Variants in RAD9B observed in about 807,000 individuals in gnomAD.
The protein encoded by RAD9B is RAD9 checkpoint clamp component B.
A neutral mutation model predicts 48.3 loss-of-function variants in RAD9B; 41 were observed. The ratio of observed to expected loss-of-function variants is 0.85; its 90% CI spans 0.66 to 1.10. The LOEUF (loss-of-function observed/expected upper bound fraction) is 1.10. Ranked by LOEUF, RAD9B falls within the 50% of genes least tolerant of loss-of-function variation. RAD9B has a pLI of 0.00. For missense variants in RAD9B, 444 were observed against 485.1 expected, an observed-to-expected ratio of 0.92 and a Z score of 0.80; for synonymous variants, 160 against 157.9, an observed-to-expected ratio of 1.01 and a Z score of -0.10.
intron 10 of RAD9B, among the ~76,000 whole-genome samples, chr12:110,527,550 C>T (rs1047239625): frequency 6.6e-6 from 1 of 152,182 alleles, no homozygotes. Flanking sequence ...GAACAGGGCT[C>T]ATTCATTTGT....
At chr12:110,508,310 G>T (rs1156424937) in intron 4 of RAD9B, among the ~76,000 whole-genome samples, 1 of 152,128 alleles carries the variant, frequency 6.6e-6, no homozygotes, top group Non-Finnish European at 1.5e-5. Flanking sequence ...CGCAGTACCT[G>T]CCCCAGGGGG....
intron 4 of RAD9B, among the ~76,000 whole-genome samples, chr12:110,509,864 G>C (rs1422563006): frequency 6.6e-6 from 1 of 152,084 alleles, no homozygotes; most frequent in Admixed American, 6.5e-5. Flanking sequence ...GGTGGCAGGA[G>C]TCAGGGATGG....
Position 110,518,719 on chromosome 12 carries a change from T to A in RAD9B, c.639T>A (p.Asp213Glu), listed in dbSNP as rs775285483. The A allele has an allele frequency of 3.1e-6, 5 of 1,611,870 alleles. No individual in the cohort carries two copies. Among genetic ancestry groups the A allele is most frequent in the Non-Finnish European group, 4.2e-6 (5 of 1,178,496 alleles). ...ACAGTGAGATGTTTGTTGGCTCAGA[T>A]GAGTTTGACTTCTTTCAAATTGGAA... ...AVHSEMFVGS[D>E]EFDFFQIGMD... The change falls in exon 7 of 11, where the codon GAT (aspartate) becomes GAA (glutamate). Residue 213 changes from aspartate (D) to glutamate (E), a missense_variant. Physicochemically the swap from Asp to Glu is conservative, Grantham distance 45. Coordinates refer to ENST00000409300, the MANE Select transcript of RAD9B (RefSeq NM_001286535.2).
chr12:110,527,851 A>T (rs2063994641), intron 10 of RAD9B, among the ~76,000 whole-genome samples: 1 of 151,928 alleles, frequency 6.6e-6, no homozygotes, highest in South Asian at 2.1e-4. Context: ...CTGGTGTTTG[A>T]GCTGAGCTGG....
intron 9 of RAD9B, among the ~76,000 whole-genome samples, chr12:110,520,632 T>TC (rs1565895594): frequency 2.8e-5 from 4 of 144,844 alleles, no homozygotes; most frequent in Non-Finnish European, 6.1e-5. Context: ...TGCTTTCTTT[T>TC]TTTTTTTTTT....
intron 2 of RAD9B, 114 bp downstream of exon 2, chr12:110,503,990 G>T: frequency 1.6e-6 from 1 of 612,598 alleles, no homozygotes; most frequent in South Asian, 2.3e-5. Flanking sequence ...CCCTTTCACT[G>T]TTTATCTTTA....
At chr12:110,504,873 T>C (rs1380216852) in intron 2 of RAD9B, among the ~76,000 whole-genome samples, 1 of 151,994 alleles carries the variant, frequency 6.6e-6, no homozygotes, top group African/African-American at 2.4e-5. Flanking sequence ...TGATATGTTG[T>C]GTGCCTGTAG....
chr12:110,522,349 G>C lies in RAD9B; in HGVS notation c.1063G>C (p.Glu355Gln). The change falls in exon 10 of 11, where the codon GAA becomes CAA. Residue 355 changes from glutamate (E) to glutamine (Q), a missense_variant. Coordinates refer to ENST00000409300, the MANE Select transcript of RAD9B (RefSeq NM_001286535.2). ...GAAAAGAGTGGATGGAGATGTCAGT[G>C]AAGTATCAGAAAGCAGTGTCAGCAA... is the stretch of plus-strand genomic sequence containing the variant. ...AMKRVDGDVS[E>Q]VSESSVSNTE... 1.9e-6 allele frequency: 3 copies of C among 1,613,552 alleles called. No individual in the cohort carries two copies. The highest frequency in any genetic ancestry group is 2.5e-6 in the Non-Finnish European group (3 of 1,179,746).
chr12:110,531,744 G>C lies in RAD9B; in HGVS notation c.*1091G>C, dbSNP rs141154497. The C allele has an allele frequency of 1.0e-6, 1 of 973,832 alleles. No homozygotes were observed. The highest frequency in any genetic ancestry group is 1.6e-5 in the African/African-American group (1 of 60,614). The allele number at this position is 973,832 out of a possible 1,614,324, so 60.3% of individuals were successfully genotyped here. ...GAGTTAGCTTTTTACCTGCACAAAT[G>C]GACTAAAAAATCTGGCACAAAACAT... On this transcript the variant is annotated 3_prime_UTR_variant, in exon 11 of 11. Coordinates refer to ENST00000409300, the MANE Select transcript of RAD9B (RefSeq NM_001286535.2).
At chr12:110,514,368 A>G (rs1299360384) in intron 5 of RAD9B, among the ~76,000 whole-genome samples, 2 of 152,222 alleles carry the variant, frequency 1.3e-5, no homozygotes, top group African/African-American at 4.8e-5. Context: ...AAAAATAAGT[A>G]AAGGATTTTA....
chr12:110,514,489 A>G (rs2063554411), intron 5 of RAD9B, among the ~76,000 whole-genome samples: 1 of 152,218 alleles, frequency 6.6e-6, no homozygotes, highest in South Asian at 2.1e-4. Context: ...ATTATGTCAT[A>G]TGGGAATTAT....
chr12:110,503,963 C>T (rs1340934914), intron 2 of RAD9B, 87 bp downstream of exon 2: 1 of 726,450 alleles, frequency 1.4e-6, no homozygotes, highest in Non-Finnish European at 2.2e-6. Context: ...ACTAGGAAAT[C>T]CAGAAATTGT....
chr12:110,532,050 C>T lies in RAD9B; in HGVS notation c.*1397C>T, dbSNP rs1002959983. On this transcript the variant is annotated 3_prime_UTR_variant, in exon 11 of 11. Coordinates refer to ENST00000409300, the MANE Select transcript of RAD9B (RefSeq NM_001286535.2). ...GTAGCTTAGTAATGAGTCATAGCTA[C>T]CCACAATAACCTAATAAAAACTCAA... The T allele has an allele frequency of 6.4e-6, 1 of 156,126 alleles. No individual in the cohort carries two copies. The highest frequency in any genetic ancestry group is 1.4e-5 in the Non-Finnish European group (1 of 70,842). 9.7% of individuals were successfully genotyped at this position (156,126 alleles called of 1,614,324 possible). A position where few individuals can be genotyped will look rare whatever the true frequency, so the allele number is the denominator to read the frequency against.
chr12:110,514,943 C>G, intron 5 of RAD9B, 107 bp from the exon 6 acceptor site: 2 of 665,746 alleles, frequency 3.0e-6, no homozygotes, highest in Non-Finnish European at 4.9e-6. Context: ...TAAACCCAGG[C>G]CAAGTAATTA....
chr12:110,505,912 T>C, intron 3 of RAD9B, 140 bp downstream of exon 3: 1 of 708,258 alleles, frequency 1.4e-6, no homozygotes, highest in Non-Finnish European at 2.1e-6. Flanking sequence ...TGAGACAGAG[T>C]CTCGCTTTCT....
At chr12:110,523,436 T>TA (rs1413407644) in intron 10 of RAD9B, among the ~76,000 whole-genome samples, 1 of 152,044 alleles carries the variant, frequency 6.6e-6, no homozygotes, top group East Asian at 1.9e-4. Flanking sequence ...CTTAAAAAAA[T>TA]AAAAAATTCA....
In RAD9B at chr12:110,503,827, C is replaced by G; in HGVS notation, c.68C>G (p.Ala23Gly). The G allele has an allele frequency of 1.2e-6, 2 of 1,606,388 alleles. No homozygotes were observed. The highest frequency in any genetic ancestry group is 8.5e-7 in the Non-Finnish European group (1 of 1,176,732). The change falls in exon 2 of 11, where the codon GCT (alanine) becomes GGT (glycine). Residue 23 changes from alanine to glycine, a missense_variant. By Grantham distance (60) the Ala-to-Gly change is moderately conservative. Transcript: ENST00000409300. ...QVKVFGKAVQ[A>G]LSRISDEFWL... is the part of the protein sequence containing the mutation. ...ATAGTATTTGGGAAAGCAGTTCAAG[C>G]TCTATCACGAATTAGTGACGAGTTC...
chr12:110,531,788 G>A lies in RAD9B; in HGVS notation c.*1135G>A, dbSNP rs2064147293. 5 of 634,730 alleles carry A rather than the reference G, an allele frequency of 7.9e-6. No homozygotes were observed. The highest frequency in any genetic ancestry group is 1.9e-5 in the African/African-American group (1 of 53,488). The allele number at this position is 634,730 out of a possible 1,614,324, so 39.3% of individuals were successfully genotyped here. A position where few individuals can be genotyped will look rare whatever the true frequency, so the allele number is the denominator to read the frequency against. ...AAAACATTGTTATGTAATGTCTTAT[G>A]ATGTGTGCCTCTCCCTCCCCCAAAC... On this transcript the variant is annotated 3_prime_UTR_variant, in exon 11 of 11. Transcript: ENST00000409300.
chr12:110,522,320 CA>C lies in RAD9B; in HGVS notation c.1036del (p.Met346Ter). ...ISALENCGSP[A>X]MKRVDGDVSE... Reference sequence around the variant, plus strand: ...GCATTGGAAAACTGTGGCAGCCCTGCAATGAAAAGAGTGGATGGAGATGTCA... The same window carrying C: ...GCATTGGAAAACTGTGGCAGCCCTGCATGAAAAGAGTGGATGGAGATGTCA... On this transcript the variant is annotated frameshift_variant, in exon 10 of 11. Transcript: ENST00000409300. LOFTEE classifies it high-confidence loss of function. The C allele has an allele frequency of 6.2e-7, 1 of 1,613,608 alleles. No homozygotes were observed.
Sources: allele counts gnomAD v4.1 joint callset (sites outside exome capture counted in the v4.1 genomes callset), GRCh38; gene constraint gnomAD v4.1.1; transcripts MANE v1.5; gene names NCBI Gene and HGNC (gene_info 2026-07-23, HGNC 2026-07-21).